ZNF804A: variants seen among roughly 807,000 people sequenced by gnomAD.
ZNF804A encodes zinc finger protein 804A.
A neutral mutation model predicts 16.5 loss-of-function variants in ZNF804A; 2 were observed. The observed-to-expected ratio is 0.12, with a 90% CI of 0.05 to 0.38. ZNF804A has a LOEUF of 0.38. ZNF804A is among the 10% of genes least tolerant of loss of function. ZNF804A has a pLI of 0.99. For synonymous variants in ZNF804A, 534 were observed against 489.6 expected (o/e 1.09, Z -1.20); for missense variants, 1,473 against 1,390.7 (o/e 1.06, Z -0.94).
intron 1 of ZNF804A, among the ~76,000 whole-genome samples, chr2:184,689,555 A>T (rs1490354450): frequency 6.6e-6 from 1 of 152,112 alleles, no homozygotes; most frequent in Non-Finnish European, 1.5e-5. Flanking sequence ...TTTTAAGAAG[A>T]TAAGAATAAT....
chr2:184,775,198 T>G (rs1331665677), intron 1 of ZNF804A, among the ~76,000 whole-genome samples: 4 of 151,738 alleles, frequency 2.6e-5, no homozygotes, highest in Non-Finnish European at 5.9e-5. Context: ...AGGAGTGTTA[T>G]GTATTTAAGT....
At chr2:184,654,414 T>C (rs1692042382) in intron 1 of ZNF804A, among the ~76,000 whole-genome samples, 1 of 152,180 alleles carries the variant, frequency 6.6e-6, no homozygotes, top group Non-Finnish European at 1.5e-5. Flanking sequence ...TGTCATTGAA[T>C]ACATCCTGAC....
chr2:184,722,505 G>T (rs1344743812), intron 1 of ZNF804A, among the ~76,000 whole-genome samples: 1 of 151,882 alleles, frequency 6.6e-6, no homozygotes, highest in Non-Finnish European at 1.5e-5. Flanking sequence ...TAAACACAAT[G>T]AATCCAATTT....
chr2:184,642,019 C>T (rs1196844115), intron 1 of ZNF804A, among the ~76,000 whole-genome samples: 1 of 152,084 alleles, frequency 6.6e-6, no homozygotes, highest in Non-Finnish European at 1.5e-5. Context: ...GTCTTCTCAT[C>T]AAGCACACAC....
Position 184,796,709 on chromosome 2 carries a change from G to A in ZNF804A, c.112-69660G>A, listed in dbSNP as rs185647741. On this transcript the variant is annotated intron_variant, in intron 1 of 3. Coordinates refer to ENST00000302277, the MANE Select transcript of ZNF804A (RefSeq NM_194250.2). ...TCTTGTTTCTCTAGTTCCTTGAGGT[G>A]TGTCCTTAGAATGTCAGTTTGTGCT... is the stretch of plus-strand genomic sequence containing the variant. Among the ~76,000 whole-genome samples, 638 of 152,194 alleles carry A rather than the reference G, an allele frequency of 4.2e-3. 5 individuals are homozygous for A. The highest frequency in any genetic ancestry group is 0.015 in the African/African-American group (606 of 41,516).
chr2:184,790,882 C>T (rs778061473), intron 1 of ZNF804A, among the ~76,000 whole-genome samples: 5 of 152,156 alleles, frequency 3.3e-5, no homozygotes, highest in South Asian at 4.1e-4. Context: ...GGATTATAGG[C>T]GTGAGCCACT....
At chr2:184,654,765 A>G (rs1450484757) in intron 1 of ZNF804A, among the ~76,000 whole-genome samples, 1 of 152,194 alleles carries the variant, frequency 6.6e-6, no homozygotes, top group East Asian at 1.9e-4. Flanking sequence ...GAATAGCATC[A>G]TGGTCATCAT....
intron 1 of ZNF804A, among the ~76,000 whole-genome samples, chr2:184,817,270 GGTCTGGAGT>G (rs1694997793): frequency 2.0e-5 from 3 of 151,696 alleles, no homozygotes; most frequent in African/African-American, 7.3e-5. Flanking sequence ...AAGCCACTAG[GGTCTGGAGT>G]GATCCCCCAG....
At chr2:184,611,705 C>T (rs905983343) in intron 1 of ZNF804A, among the ~76,000 whole-genome samples, 2 of 152,124 alleles carry the variant, frequency 1.3e-5, no homozygotes, top group African/African-American at 4.8e-5. Flanking sequence ...AAAAAACAGG[C>T]ATAGTAATCA....
At chr2:184,928,563 T>C (rs541145684) in intron 2 of ZNF804A, among the ~76,000 whole-genome samples, 85 of 152,232 alleles carry the variant, frequency 5.6e-4, no homozygotes, top group African/African-American at 1.9e-3. Context: ...CTGAGCCCAG[T>C]TCAGCAATAG....
At chr2:184,721,166 C>G (rs1693307209) in intron 1 of ZNF804A, among the ~76,000 whole-genome samples, 1 of 152,122 alleles carries the variant, frequency 6.6e-6, no homozygotes, top group Non-Finnish European at 1.5e-5. Flanking sequence ...AGGGGAAACA[C>G]TTCTGGAAAT....
intron 1 of ZNF804A, among the ~76,000 whole-genome samples, chr2:184,636,321 T>TGAGA (rs147915572): frequency 5.4e-5 from 8 of 147,632 alleles, no homozygotes; most frequent in Non-Finnish European, 7.5e-5. Context: ...TGTGTGTGTG[T>TGAGA]GAGAGAGAGA....
chr2:184,725,346 T>C (rs1378968129), intron 1 of ZNF804A, among the ~76,000 whole-genome samples: 3 of 151,708 alleles, frequency 2.0e-5, no homozygotes, highest in Admixed American at 6.6e-5. Context: ...TATGATCTTC[T>C]CTTCTTAATA....
At chr2:184,826,017 A>G (rs1289367076) in intron 1 of ZNF804A, among the ~76,000 whole-genome samples, 1 of 149,930 alleles carries the variant, frequency 6.7e-6, no homozygotes, top group Admixed American at 6.6e-5. Context: ...GATTATAGGC[A>G]CATGCCACCA....
At chr2:184,708,167 A>G (rs1693061966) in intron 1 of ZNF804A, among the ~76,000 whole-genome samples, 1 of 151,934 alleles carries the variant, frequency 6.6e-6, no homozygotes, top group African/African-American at 2.4e-5. Flanking sequence ...AGTTTCTTAT[A>G]GGTCCTTTGT....
rs1685812771 is a variant in ZNF804A, at chr2:184,937,541, T to A, written c.2145T>A (p.Asn715Lys). The A allele has an allele frequency of 6.2e-7, 1 of 1,612,484 alleles. No individual in the cohort carries two copies. The highest frequency in any genetic ancestry group is 1.3e-5 in the African/African-American group (1 of 74,918). Residue 715 changes from asparagine to lysine, a missense_variant, in exon 4 of 4, where the codon AAT (asparagine) becomes AAA (lysine). Transcript: ENST00000302277. ...CAATGATACATTCTGGGAAACATAA[T>A]TTAACATATTCTAGAACTTACTGTT... ...NATMIHSGKHNLTYSRTYCCW... is the reference protein window; with the variant it reads ...NATMIHSGKHKLTYSRTYCCW...
At chr2:184,715,990 A>G (rs1019193410) in intron 1 of ZNF804A, among the ~76,000 whole-genome samples, 1 of 152,204 alleles carries the variant, frequency 6.6e-6, no homozygotes, top group Non-Finnish European at 1.5e-5. Context: ...TCTAATGCAT[A>G]TAAGAGCAAC....
chr2:184,804,366 A>G (rs1694771026), intron 1 of ZNF804A, among the ~76,000 whole-genome samples: 1 of 152,190 alleles, frequency 6.6e-6, no homozygotes, highest in Admixed American at 6.5e-5. Context: ...ATTTGGCATC[A>G]CTGTTTAAGC....
At chr2:184,861,389 G>A (rs1695797745) in intron 1 of ZNF804A, among the ~76,000 whole-genome samples, 1 of 152,124 alleles carries the variant, frequency 6.6e-6, no homozygotes, top group Admixed American at 6.5e-5. Context: ...ATTTTTGTGT[G>A]TGAATAGTTG....
Sources: gnomAD v4.1 joint callset for allele counts (sites outside exome capture counted in the v4.1 genomes callset) on GRCh38, gnomAD v4.1.1 for gene constraint, MANE v1.5 for transcripts, NCBI Gene and HGNC (gene_info 2026-07-23, HGNC 2026-07-21) for gene names.